Variants in ACTL8 observed in about 807,000 individuals in gnomAD.
ACTL8 encodes actin like 8.
In ACTL8, 3 loss-of-function variants were observed where a neutral mutation model predicts 9.3. The observed-to-expected ratio is 0.32, with a 90% CI of 0.15 to 0.83. The LOEUF (loss-of-function observed/expected upper bound fraction) is 0.83, where lower values mean the gene tolerates loss of function less well. Among genes scored for constraint, ACTL8 ranks in the 40% least tolerant of loss-of-function variants. The probability of loss-of-function intolerance (pLI) is 0.57; values close to 1 mark genes in which losing one functional copy is unlikely to be tolerated. For missense variants in ACTL8, 381 were observed against 492.2 expected, an observed-to-expected ratio of 0.77 and a Z score of 2.14; for synonymous variants, 224 against 205.9, an observed-to-expected ratio of 1.09 and a Z score of -0.75.
intron 1 of ACTL8, among the ~76,000 whole-genome samples, chr1:17,812,522 C>T (rs374717985): frequency 1.5e-4 from 22 of 151,106 alleles, no homozygotes; most frequent in African/African-American, 4.1e-4. Flanking sequence ...CTCCGCCTCC[C>T]GGGCTCAAGC....
At chr1:17,764,580 C>CT (rs1553119597) in intron 1 of ACTL8, among the ~76,000 whole-genome samples, 1 of 152,032 alleles carries the variant, frequency 6.6e-6, no homozygotes, top group Non-Finnish European at 1.5e-5. Flanking sequence ...CTGGGCACCC[C>CT]CCCACAGCAT....
In ACTL8 at chr1:17,825,944, G is replaced by A. The variant is rs769088839; in HGVS notation, c.526G>A (p.Ala176Thr). 8 of 1,611,226 alleles carry A rather than the reference G, an allele frequency of 5.0e-6. No individual in the cohort carries two copies. The highest frequency in any genetic ancestry group is 6.8e-6 in the Non-Finnish European group (8 of 1,180,014). ...LPASGKTLEF[A>T]GQDLSAYLLK... is the part of the protein sequence containing the mutation. ...CGCCAGCGGCAAGACGCTGGAGTTC[G>A]CCGGCCAGGATCTCTCCGCCTATCT... is the stretch of plus-strand genomic sequence containing the variant. Residue 176 changes from alanine (A) to threonine (T), a missense_variant, in exon 3 of 3, where the codon GCC becomes ACC. Transcript: ENST00000375406.
chr1:17,762,453 C>G (rs74060065), intron 1 of ACTL8, among the ~76,000 whole-genome samples: 5 of 152,180 alleles, frequency 3.3e-5, no homozygotes, highest in Admixed American at 3.3e-4. Flanking sequence ...GCTTTCAGAC[C>G]GAGAGTCAGC....
intron 1 of ACTL8, among the ~76,000 whole-genome samples, chr1:17,764,754 C>T (rs545103318): frequency 7.2e-5 from 11 of 152,320 alleles, no homozygotes; most frequent in African/African-American, 2.6e-4. Context: ...TTGAGGCCCG[C>T]GTTCCTCCAG....
At chr1:17,818,973 T>G (rs2053622425) in intron 1 of ACTL8, among the ~76,000 whole-genome samples, 1 of 152,238 alleles carries the variant, frequency 6.6e-6, no homozygotes, top group Non-Finnish European at 1.5e-5. Context: ...AGATTTTATC[T>G]CTGTCTTCAA....
intron 1 of ACTL8, among the ~76,000 whole-genome samples, chr1:17,787,197 T>C (rs941331325): frequency 1.3e-5 from 2 of 152,178 alleles, no homozygotes; most frequent in Non-Finnish European, 2.9e-5. Flanking sequence ...CATATATGAA[T>C]GCTTTCCTGG....
chr1:17,756,826 G>A (rs1026953029), intron 1 of ACTL8, among the ~76,000 whole-genome samples: 1 of 152,220 alleles, frequency 6.6e-6, no homozygotes, highest in Non-Finnish European at 1.5e-5. Context: ...AATGCCACCT[G>A]AGGCACGTCT....
chr1:17,780,454 C>T (rs1277909864), intron 1 of ACTL8, among the ~76,000 whole-genome samples: 1 of 152,170 alleles, frequency 6.6e-6, no homozygotes, highest in Non-Finnish European at 1.5e-5. Flanking sequence ...GTAGCCTGGC[C>T]TCCTGCTGTG....
At chr1:17,808,204 G>A (rs190859134) in intron 1 of ACTL8, among the ~76,000 whole-genome samples, 1 of 152,304 alleles carries the variant, frequency 6.6e-6, no homozygotes, top group African/African-American at 2.4e-5. Context: ...AAACTCTGGA[G>A]AGCTTGTGTG....
chr1:17,757,668 C>T (rs775301290), intron 1 of ACTL8, among the ~76,000 whole-genome samples: 4 of 152,084 alleles, frequency 2.6e-5, no homozygotes, highest in Admixed American at 6.5e-5. Flanking sequence ...GCATGTTCCA[C>T]GGTGGCGGGT....
intron 1 of ACTL8, among the ~76,000 whole-genome samples, chr1:17,766,816 T>G (rs1351695349): frequency 6.8e-6 from 1 of 147,812 alleles, no homozygotes; most frequent in African/African-American, 2.6e-5. Flanking sequence ...TGGAACTTAC[T>G]GCATTTTTTT....
At chr1:17,798,142 G>C (rs1273977469) in intron 1 of ACTL8, among the ~76,000 whole-genome samples, 2 of 152,230 alleles carry the variant, frequency 1.3e-5, no homozygotes, top group Non-Finnish European at 2.9e-5. Flanking sequence ...GTGCCTAGAA[G>C]GCAGAGGTCA....
At chr1:17,820,711 G>T (rs2053651575) in intron 1 of ACTL8, among the ~76,000 whole-genome samples, 1 of 152,066 alleles carries the variant, frequency 6.6e-6, no homozygotes, top group African/African-American at 2.4e-5. Context: ...GGGATTACAG[G>T]TATGTGTCAC....
Position 17,766,933 on chromosome 1 carries a change from T to C in ACTL8, c.-25+11429T>C, listed in dbSNP as rs1367739314. Among the ~76,000 whole-genome samples, 3 of 152,228 alleles carry C rather than the reference T, an allele frequency of 2.0e-5. No individual in the cohort carries two copies. In the East Asian group the frequency reaches 5.8e-4, roughly 29 times the overall value. On this transcript the variant is annotated intron_variant, in intron 1 of 2. Transcript: ENST00000375406. ...GTTCTAGGTGCTGAGGATTCAGTCC[T>C]GGGCAAAACAGACAAAGTTTTGCCC... is the stretch of plus-strand genomic sequence containing the variant.
At chr1:17,772,180 G>T (rs543180540) in intron 1 of ACTL8, among the ~76,000 whole-genome samples, 1 of 152,234 alleles carries the variant, frequency 6.6e-6, no homozygotes, top group Non-Finnish European at 1.5e-5. Flanking sequence ...CACATGAGAA[G>T]TTTGCATAAT....
At chr1:17,824,463 G>A (rs567476091) in intron 2 of ACTL8, among the ~76,000 whole-genome samples, 4 of 152,162 alleles carry the variant, frequency 2.6e-5, no homozygotes, top group Admixed American at 6.5e-5. Context: ...GCTTTCATAC[G>A]ACAGCATCTG....
In ACTL8 at chr1:17,825,849, C is replaced by G; in HGVS notation, c.431C>G (p.Thr144Ser). The change falls in exon 3 of 3, where the codon ACC becomes AGC. Residue 144 changes from threonine (T) to serine (S), a missense_variant. Transcript: ENST00000375406. ...TCCCTGTATGCCTCTGGCCTCCTGA[C>G]CGGAGTGGTGGTTGATTCTGGCTAT... The part of the protein sequence containing the change: ...QMSLYASGLL[T>S]GVVVDSGYGL... The G allele has an allele frequency of 6.2e-7, 1 of 1,614,102 alleles. No homozygotes were observed. The highest frequency in any genetic ancestry group is 8.5e-7 in the Non-Finnish European group (1 of 1,180,030).
At chr1:17,760,887 CGA>C (rs1160818795) in intron 1 of ACTL8, among the ~76,000 whole-genome samples, 1 of 152,166 alleles carries the variant, frequency 6.6e-6, no homozygotes, top group African/African-American at 2.4e-5. Flanking sequence ...GAAGAATTTA[CGA>C]GAGTTATTAC....
intron 1 of ACTL8, among the ~76,000 whole-genome samples, chr1:17,811,677 G>A (rs1371683543): frequency 2.6e-5 from 4 of 152,092 alleles, no homozygotes; most frequent in African/African-American, 9.6e-5. Flanking sequence ...ATTTTTACAC[G>A]GAGAAGTCCA....
Sources: allele counts gnomAD v4.1 joint callset (sites outside exome capture counted in the v4.1 genomes callset), GRCh38; gene constraint gnomAD v4.1.1; transcripts MANE v1.5; gene names NCBI Gene and HGNC (gene_info 2026-07-23, HGNC 2026-07-21).